GLIS3: variants seen among roughly 807,000 people sequenced by gnomAD.
GLIS3 encodes zinc finger protein GLIS3.
A neutral mutation model predicts 78.6 loss-of-function variants in GLIS3; 53 were observed. That is an observed-to-expected ratio of 0.67 (90% CI 0.54 to 0.85). The LOEUF is 0.85. Among genes scored for constraint, GLIS3 ranks in the 40% least tolerant of loss-of-function variants. The probability of loss-of-function intolerance (pLI) is 0.00; values close to 1 mark genes in which losing one functional copy is unlikely to be tolerated. For missense variants in GLIS3, 1,703 were observed against 1,231.1 expected, an observed-to-expected ratio of 1.38 and a Z score of -5.74; for synonymous variants, 684 against 509.9, an observed-to-expected ratio of 1.34 and a Z score of -4.60.
intron 2 of GLIS3, among the ~76,000 whole-genome samples, chr9:4,133,274 G>T (rs774512455): frequency 2.6e-5 from 4 of 151,810 alleles, no homozygotes; most frequent in Non-Finnish European, 5.9e-5. Context: ...CAATGATATA[G>T]TATTAGTATG....
intron 2 of GLIS3, among the ~76,000 whole-genome samples, chr9:4,257,270 G>A (rs1825044368): frequency 1.3e-5 from 2 of 151,960 alleles, no homozygotes; most frequent in South Asian, 2.1e-4. Flanking sequence ...TCTCATATGT[G>A]GAATCTAAAA....
chr9:4,270,880 A>G (rs1265752349), intron 2 of GLIS3, among the ~76,000 whole-genome samples: 1 of 146,682 alleles, frequency 6.8e-6, no homozygotes, highest in Admixed American at 6.8e-5. Context: ...CTCTCTCTCA[A>G]TCTGTGTGGT....
At chr9:4,413,600 G>C in the GLIS3 span, among the ~76,000 whole-genome samples, 15 of 151,944 alleles carry the variant, frequency 9.9e-5, no homozygotes, top group Non-Finnish European at 1.5e-5. Context: ...TCAGTGCTCT[G>C]ACATGAAAAG....
At chr9:4,206,715 T>C (rs1819914117) in intron 2 of GLIS3, among the ~76,000 whole-genome samples, 1 of 152,190 alleles carries the variant, frequency 6.6e-6, no homozygotes, top group African/African-American at 2.4e-5. Context: ...TGGTGAAAAA[T>C]GCAGAATTGT....
At chr9:4,349,135 C>G (rs1209923652), upstream of GLIS3, among the ~76,000 whole-genome samples, 4 of 152,244 alleles carry the variant, frequency 2.6e-5, no homozygotes, top group Non-Finnish European at 4.4e-5. Context: ...GATCCCTCAA[C>G]TTTCAACTTA....
chr9:4,172,229 C>T (rs1021409830), intron 2 of GLIS3, among the ~76,000 whole-genome samples: 2 of 152,144 alleles, frequency 1.3e-5, no homozygotes, highest in African/African-American at 4.8e-5. Context: ...GTCTTTCTTA[C>T]TATCAGTGAG....
At chr9:4,379,547 T>G in the GLIS3 span, among the ~76,000 whole-genome samples, 248 of 152,348 alleles carry the variant, frequency 1.6e-3, no homozygotes, top group African/African-American at 5.5e-3. Flanking sequence ...TGTTTTTAGT[T>G]GATGAGATTT....
intron 2 of GLIS3, among the ~76,000 whole-genome samples, chr9:4,323,971 T>C (rs1271229531): frequency 1.3e-5 from 2 of 152,248 alleles, no homozygotes; most frequent in Non-Finnish European, 2.9e-5. Context: ...TTCTTTCATT[T>C]ACTCAGTTTC....
intron 8 of GLIS3, among the ~76,000 whole-genome samples, chr9:3,858,838 A>G (rs1028034657): frequency 6.6e-6 from 1 of 152,216 alleles, no homozygotes; most frequent in African/African-American, 2.4e-5. Flanking sequence ...AAAGTCCAGC[A>G]TAAGAAGTAA....
At chr9:4,108,880 A>C (rs1830985584) in intron 4 of GLIS3, among the ~76,000 whole-genome samples, 1 of 152,116 alleles carries the variant, frequency 6.6e-6, no homozygotes, top group Non-Finnish European at 1.5e-5. Flanking sequence ...CTCTCCGGTC[A>C]ACAGACAAAT....
chr9:4,221,210 T>C (rs1821304644), intron 2 of GLIS3, among the ~76,000 whole-genome samples: 1 of 151,686 alleles, frequency 6.6e-6, no homozygotes, highest in African/African-American at 2.4e-5. Flanking sequence ...TTTTGAAGAG[T>C]AGAAAGAGAA....
At chr9:3,852,078 G>C (rs56049213) in intron 9 of GLIS3, among the ~76,000 whole-genome samples, 95 of 152,114 alleles carry the variant, frequency 6.2e-4, no homozygotes, top group Non-Finnish European at 1.2e-3. Flanking sequence ...CAGGGAGGTG[G>C]AGGTTGCAGT....
intron 2 of GLIS3, among the ~76,000 whole-genome samples, chr9:4,152,476 G>C (rs1210382079): frequency 6.6e-6 from 1 of 152,086 alleles, no homozygotes; most frequent in African/African-American, 2.4e-5. Context: ...TCCATTCTAG[G>C]AGCCTACACA....
At chr9:4,480,700 C>G in the GLIS3 span, among the ~76,000 whole-genome samples, 1 of 150,606 alleles carries the variant, frequency 6.6e-6, no homozygotes, top group African/African-American at 2.4e-5. Context: ...CTCAGGAAGG[C>G]AAAAAGAAAA....
the GLIS3 span, among the ~76,000 whole-genome samples, chr9:4,467,819 A>G: frequency 1.3e-5 from 2 of 152,216 alleles, no homozygotes; most frequent in African/African-American, 4.8e-5. Flanking sequence ...GTTTCCGATG[A>G]TCGGTAATAA....
chr9:4,423,975 A>T, the GLIS3 span, among the ~76,000 whole-genome samples: 1 of 152,248 alleles, frequency 6.6e-6, no homozygotes, highest in Non-Finnish European at 1.5e-5. Flanking sequence ...CTTAAAGAAA[A>T]TATAAATTCC....
chr9:4,207,366 C>A (rs1192758510), intron 2 of GLIS3, among the ~76,000 whole-genome samples: 2 of 152,116 alleles, frequency 1.3e-5, no homozygotes, highest in African/African-American at 4.8e-5. Flanking sequence ...CAGCCCAAGG[C>A]AAATAATCGC....
chr9:4,372,023 C>A, the GLIS3 span, among the ~76,000 whole-genome samples: 3 of 152,150 alleles, frequency 2.0e-5, no homozygotes, highest in Non-Finnish European at 4.4e-5. Flanking sequence ...TAGGTCTGGT[C>A]TTGGGTCTTG....
At chr9:4,201,328 T>C (rs1292626794) in intron 2 of GLIS3, among the ~76,000 whole-genome samples, 1 of 152,040 alleles carries the variant, frequency 6.6e-6, no homozygotes, top group Non-Finnish European at 1.5e-5. Context: ...TGGAAGTCCT[T>C]ACCAAACCAA....
Sources: allele counts gnomAD v4.1 joint callset (sites outside exome capture counted in the v4.1 genomes callset), GRCh38; gene constraint gnomAD v4.1.1; transcripts MANE v1.5; gene names NCBI Gene and HGNC (gene_info 2026-07-23, HGNC 2026-07-21).